Variants in SULF2 observed in about 807,000 individuals in gnomAD.
SULF2 encodes the protein sulfatase 2.
In SULF2, 52 loss-of-function variants were observed where a neutral mutation model predicts 107.7. That is an observed-to-expected ratio of 0.48 (90% CI 0.39 to 0.61). The LOEUF is 0.61. Ranked by LOEUF, SULF2 falls within the 20% of genes least tolerant of loss-of-function variation. The pLI, the probability that SULF2 is intolerant of heterozygous loss-of-function variation, is 0.00. For missense variants in SULF2, 993 were observed against 1,177.3 expected (o/e 0.84, Z 2.29); for synonymous variants, 460 against 464.3 (o/e 0.99, Z 0.12).
intron 4 of SULF2, among the ~76,000 whole-genome samples, chr20:47,697,478 G>A (rs968377998): frequency 6.6e-6 from 1 of 152,202 alleles, no homozygotes; most frequent in East Asian, 1.9e-4. Context: ...AGGGCCCAGG[G>A]CACAGGGCTC....
chr20:47,742,749 C>T (rs1275617445), intron 2 of SULF2, among the ~76,000 whole-genome samples: 4 of 152,050 alleles, frequency 2.6e-5, no homozygotes, highest in Non-Finnish European at 5.9e-5. Context: ...TTTGGATGCA[C>T]CATCCAGTAA....
intron 2 of SULF2, among the ~76,000 whole-genome samples, chr20:47,738,384 G>A (rs1393260832): frequency 6.6e-6 from 1 of 152,178 alleles, no homozygotes; most frequent in East Asian, 1.9e-4. Flanking sequence ...TTTCCTTGCA[G>A]TTCTTAAGGT....
chr20:47,784,937 T>G (rs1252433116), intron 1 of SULF2, among the ~76,000 whole-genome samples: 1 of 152,124 alleles, frequency 6.6e-6, no homozygotes, highest in Non-Finnish European at 1.5e-5. Context: ...AAGCCCCACG[T>G]GGGCTGGCAT....
intron 11 of SULF2, among the ~76,000 whole-genome samples, chr20:47,671,346 G>A (rs2087464147): frequency 6.6e-6 from 1 of 152,010 alleles, no homozygotes; most frequent in Non-Finnish European, 1.5e-5. Flanking sequence ...TCACTCTGTC[G>A]CCCAGGCTGG....
intron 7 of SULF2, among the ~76,000 whole-genome samples, chr20:47,681,672 G>A (rs1413213076): frequency 6.6e-6 from 1 of 152,224 alleles, no homozygotes; most frequent in Non-Finnish European, 1.5e-5. Context: ...TCACAGGGCA[G>A]TTGTGATGCT....
At chr20:47,702,815 G>A in intron 3 of SULF2, 145 bp from the exon 4 acceptor site, 1 of 639,902 alleles carries the variant, frequency 1.6e-6, no homozygotes, top group Non-Finnish European at 2.7e-6. Context: ...CTTCTCCAAT[G>A]TTATTACGTG....
rs1002177560 is a variant in SULF2, at chr20:47,666,687, C to T, written c.1577-199G>A. 2.0e-5 allele frequency among the ~76,000 whole-genome samples: 3 copies of T among 152,182 alleles called. No individual in the cohort carries two copies. Among genetic ancestry groups the T allele is most frequent in the African/African-American group, 7.2e-5 (3 of 41,438 alleles). ...GGGGAGGGCCTCGAGGTGATCACACCGGCAAGACGGAAGTCCTGGAGCCAA... is the reference window on the plus strand; with the variant it reads ...GGGGAGGGCCTCGAGGTGATCACACTGGCAAGACGGAAGTCCTGGAGCCAA... On this transcript the variant is annotated intron_variant, in intron 11 of 20. Coordinates refer to ENST00000688720, the MANE Select transcript of SULF2 (RefSeq NM_001387048.1). The surrounding 1 kb of genome is among the most constrained non-coding windows in gnomAD (Gnocchi z 5.4).
rs753249899 is a variant in SULF2, at chr20:47,663,631, G to A, written c.2058-9C>T. 1.3e-5 allele frequency: 21 copies of A among 1,570,818 alleles called. No homozygotes were observed. The highest frequency in any genetic ancestry group is 5.4e-5 in the African/African-American group (4 of 74,102). ...TCTCTTGCAGGCCCTTCCTATGGGC[G>A]CAGAGGGCCACACACACCTTGGGCC... On this transcript the variant is annotated splice_polypyrimidine_tract_variant and intron_variant, in intron 15 of 20. Transcript: ENST00000688720.
chr20:47,732,848 CA>C (rs1350677611), intron 3 of SULF2, among the ~76,000 whole-genome samples: 1 of 151,926 alleles, frequency 6.6e-6, no homozygotes, highest in African/African-American at 2.4e-5. Flanking sequence ...GTCTCAAAAA[CA>C]AACAAAAAAA....
chr20:47,703,530 T>G (rs567353957), intron 3 of SULF2, among the ~76,000 whole-genome samples: 1 of 152,334 alleles, frequency 6.6e-6, no homozygotes, highest in South Asian at 2.1e-4. Flanking sequence ...TGGGTGGGGA[T>G]GTGGGACAAC....
chr20:47,692,334 G>A (rs1568822516), intron 4 of SULF2, among the ~76,000 whole-genome samples: 1 of 152,126 alleles, frequency 6.6e-6, no homozygotes, highest in African/African-American at 2.4e-5. Context: ...AATGGCCACT[G>A]CAATATTGTT....
At chr20:47,727,014 G>A (rs777567541) in intron 3 of SULF2, among the ~76,000 whole-genome samples, 2 of 150,618 alleles carry the variant, frequency 1.3e-5, no homozygotes, top group Non-Finnish European at 3.0e-5. Flanking sequence ...AAGAGGGGAA[G>A]AGCGGCAGGT....
intron 5 of SULF2, chr20:47,686,294 G>A (rs1017011872): frequency 1.3e-5 from 2 of 152,254 alleles, no homozygotes; most frequent in African/African-American, 4.8e-5. Context: ...ACCAAAACCA[G>A]AGGAAACATT....
chr20:47,668,716 G>A (rs756411334), intron 11 of SULF2, among the ~76,000 whole-genome samples: 44 of 152,200 alleles, frequency 2.9e-4, no homozygotes, highest in South Asian at 4.1e-4. Flanking sequence ...CTACTGCAGG[G>A]GGTGGGGACT....
Position 47,678,530 on chromosome 20 carries a change from GCA to G in SULF2, c.1193+144_1193+145del. 8.1e-6 allele frequency: 8 copies of G among 993,704 alleles called. No individual in the cohort carries two copies. The highest frequency in any genetic ancestry group is 1.0e-5 in the Non-Finnish European group (7 of 670,406). The allele number at this position is 993,704 out of a possible 1,614,324, so 61.6% of individuals were successfully genotyped here. On this transcript the variant is annotated intron_variant, in intron 8 of 20. Transcript: ENST00000688720. This position sits in a 1 kb window ranked among gnomAD's most constrained non-coding sequence, Gnocchi z 4.5. ...GAGGGGACCATGCTTCTCTCCCACA[GCA>G]GGTAAGTGGTTGGCATGGCGGGACC...
chr20:47,704,866 G>A (rs1024176680), intron 3 of SULF2, among the ~76,000 whole-genome samples: 1 of 152,194 alleles, frequency 6.6e-6, no homozygotes, highest in East Asian at 1.9e-4. Flanking sequence ...ACCCCCAGAG[G>A]AAGGAGGAGA....
At chr20:47,717,428 C>T (rs1041738201) in intron 3 of SULF2, among the ~76,000 whole-genome samples, 1 of 152,164 alleles carries the variant, frequency 6.6e-6, no homozygotes, top group Admixed American at 6.5e-5. Flanking sequence ...CTCAGCAGGA[C>T]TCCAGCGACC....
At chr20:47,661,146 C>T (rs1277598175) in intron 18 of SULF2, among the ~76,000 whole-genome samples, 1 of 152,120 alleles carries the variant, frequency 6.6e-6, no homozygotes, top group East Asian at 1.9e-4. Flanking sequence ...TGGCCCGATG[C>T]CCTCCCGCCA....
intron 2 of SULF2, among the ~76,000 whole-genome samples, chr20:47,754,956 T>C (rs2090246429): frequency 6.6e-6 from 1 of 152,196 alleles, no homozygotes; most frequent in Non-Finnish European, 1.5e-5. Context: ...CACCTCAGCC[T>C]CCCATTAGCT....
Sources: allele counts gnomAD v4.1 joint callset (sites outside exome capture counted in the v4.1 genomes callset), GRCh38; gene constraint gnomAD v4.1.1; non-coding constraint Gnocchi (gnomAD v3.1); transcripts MANE v1.5; gene names NCBI Gene and HGNC (gene_info 2026-07-23, HGNC 2026-07-21).